The following ACTA2 variants were observed in gnomAD, a reference collection of about 807,000 sequenced individuals.
ACTA2 encodes actin, aortic smooth muscle.
Under a neutral mutation model 39.5 loss-of-function variants are expected in ACTA2, and 12 were observed. The observed-to-expected ratio is 0.30, with a 90% CI of 0.19 to 0.49. The LOEUF is 0.49. Ranked by LOEUF, ACTA2 falls within the 20% of genes least tolerant of loss-of-function variation. ACTA2 has a pLI of 0.99. For missense variants in ACTA2, 236 were observed against 498.8 expected, an observed-to-expected ratio of 0.47 and a Z score of 5.02; for synonymous variants, 158 against 180.6, an observed-to-expected ratio of 0.88 and a Z score of 1.00.
intron 8 of ACTA2, among the ~76,000 whole-genome samples, chr10:88,936,326 T>A (rs1204559102): frequency 6.6e-6 from 1 of 152,192 alleles, no homozygotes; most frequent in Non-Finnish European, 1.5e-5. Context: ...CCTTTTTATT[T>A]TGGAACAATT....
upstream of ACTA2, among the ~76,000 whole-genome samples, chr10:88,954,590 C>A (rs1267352696): frequency 1.3e-5 from 2 of 152,112 alleles, no homozygotes; most frequent in Non-Finnish European, 2.9e-5. Flanking sequence ...AGTGACTGTT[C>A]ATCTAAACAC....
Position 88,987,938 on chromosome 10 carries a change from G to T in ACTA2, c.-24+3001C>A, listed in dbSNP as rs185539396. 1.6e-4 allele frequency among the ~76,000 whole-genome samples: 24 copies of T among 151,780 alleles called. No homozygotes were observed. The East Asian group carries it at 4.1e-3, about 26-fold the overall frequency. On this transcript the variant is annotated intron_variant, in intron 1 of 4. Coordinates refer to the ACTA2 transcript ENST00000415557. ...ATAGGCCTTATCCAGTTAGTTGAAG[G>T]CCTTAAAAAAGAAAAAAAAAAAGAC... is the stretch of plus-strand genomic sequence containing the variant.
chr10:88,964,746 A>T (rs182305158), intron 1 of ACTA2, among the ~76,000 whole-genome samples: 1 of 152,272 alleles, frequency 6.6e-6, no homozygotes, highest in African/African-American at 2.4e-5. Context: ...TTCAGCAAAA[A>T]GTATCTACAT....
intron 3 of ACTA2, among the ~76,000 whole-genome samples, chr10:88,945,256 T>C (rs1845924423): frequency 6.6e-6 from 1 of 152,240 alleles, no homozygotes. Flanking sequence ...CCTATTGATA[T>C]TGATATCTTT....
At chr10:88,946,324 C>T (rs184436577) in intron 3 of ACTA2, among the ~76,000 whole-genome samples, 1 of 137,156 alleles carries the variant, frequency 7.3e-6, no homozygotes, top group East Asian at 2.3e-4. Context: ...CTATGTTGCT[C>T]AGGCTGGTCT....
At chr10:88,981,007 A>G (rs1452009300) in intron 1 of ACTA2, among the ~76,000 whole-genome samples, 1 of 152,138 alleles carries the variant, frequency 6.6e-6, no homozygotes, top group Non-Finnish European at 1.5e-5. Flanking sequence ...ACTATGGAGG[A>G]ATAGGGTCCT....
chr10:88,988,995 G>T (rs1223536086), intron 1 of ACTA2, among the ~76,000 whole-genome samples: 9 of 152,156 alleles, frequency 5.9e-5, no homozygotes, highest in African/African-American at 1.4e-4. Flanking sequence ...GTAGGGGAAG[G>T]GGGTATGGCA....
chr10:88,942,577 G>A (rs1845875556), intron 4 of ACTA2, among the ~76,000 whole-genome samples: 1 of 152,148 alleles, frequency 6.6e-6, no homozygotes, highest in African/African-American at 2.4e-5. Context: ...GCCCCAGTTG[G>A]TGCAGTCCAG....
At chr10:88,988,106 T>C (rs1371330134) in intron 1 of ACTA2, among the ~76,000 whole-genome samples, 2 of 152,200 alleles carry the variant, frequency 1.3e-5, no homozygotes, top group Non-Finnish European at 2.9e-5. Context: ...CCAACTCCTA[T>C]CTATCTTTCC....
chr10:88,988,913 A>G (rs966537111), intron 1 of ACTA2, among the ~76,000 whole-genome samples: 2 of 152,222 alleles, frequency 1.3e-5, no homozygotes, highest in African/African-American at 4.8e-5. Flanking sequence ...ACCATGAAAC[A>G]TATGTCTCCC....
chr10:88,988,002 G>A (rs548133279), intron 1 of ACTA2, among the ~76,000 whole-genome samples: 6 of 152,146 alleles, frequency 3.9e-5, no homozygotes, highest in South Asian at 4.2e-4. Flanking sequence ...GCCAGCAGAC[G>A]GCCTTTGGAC....
At chr10:88,946,626 A>C (rs1204374993) in intron 3 of ACTA2, among the ~76,000 whole-genome samples, 1 of 151,936 alleles carries the variant, frequency 6.6e-6, no homozygotes, top group Non-Finnish European at 1.5e-5. Flanking sequence ...CTCCTGGGCC[A>C]AGCGATCCTC....
chr10:88,986,621 TGGAAGTAGTACAGAAA>T (rs1200905345), intron 1 of ACTA2, among the ~76,000 whole-genome samples: 100 of 152,054 alleles, frequency 6.6e-4, no homozygotes, highest in Admixed American at 1.6e-3. Flanking sequence ...AATGTGAGCA[TGGAAGTAGTACAGAAA>T]GGAAGTAGTA....
At chr10:88,969,146 T>C (rs1418728670) in intron 1 of ACTA2, among the ~76,000 whole-genome samples, 1 of 152,134 alleles carries the variant, frequency 6.6e-6, no homozygotes, top group African/African-American at 2.4e-5. Context: ...AGGATCTTGA[T>C]TATTGAGGCA....
chr10:88,984,614 T>C (rs918355211), intron 1 of ACTA2, among the ~76,000 whole-genome samples: 2 of 151,886 alleles, frequency 1.3e-5, no homozygotes, highest in Non-Finnish European at 2.9e-5. Flanking sequence ...TTTAATACAC[T>C]AAGGGAACTT....
At chr10:88,945,909 C>G (rs999307381) in intron 3 of ACTA2, among the ~76,000 whole-genome samples, 3 of 152,164 alleles carry the variant, frequency 2.0e-5, no homozygotes, top group Non-Finnish European at 4.4e-5. Flanking sequence ...AACCATGCAG[C>G]CCCTGATGAA....
At chr10:88,967,709 C>T (rs1201342017) in intron 1 of ACTA2, among the ~76,000 whole-genome samples, 1 of 152,116 alleles carries the variant, frequency 6.6e-6, no homozygotes, top group Non-Finnish European at 1.5e-5. Flanking sequence ...TACTGTAAGC[C>T]ATGTCTGGTA....
intron 8 of ACTA2, 78 bp downstream of exon 8, chr10:88,937,983 C>A (rs1845774337): frequency 3.2e-6 from 5 of 1,548,628 alleles, no homozygotes; most frequent in Non-Finnish European, 4.5e-6. Context: ...AAAATACAGT[C>A]TCTGAAGAGT....
intron 1 of ACTA2, among the ~76,000 whole-genome samples, chr10:88,980,640 A>G (rs1846688431): frequency 6.6e-6 from 1 of 152,168 alleles, no homozygotes; most frequent in Non-Finnish European, 1.5e-5. Flanking sequence ...TAGTTAAGGA[A>G]AATTGTTGGG....
Sources: allele counts gnomAD v4.1 joint callset (sites outside exome capture counted in the v4.1 genomes callset), GRCh38; gene constraint gnomAD v4.1.1; transcripts MANE v1.5; gene names NCBI Gene and HGNC (gene_info 2026-07-23, HGNC 2026-07-21).